The following KLF13 variants were observed in gnomAD, a reference collection of about 807,000 sequenced individuals.
KLF13 encodes the protein KLF transcription factor 13, also known as Krueppel-like factor 13.
KLF13 carries 8 observed loss-of-function variants against 16.7 expected under a neutral mutation model. The ratio of observed to expected loss-of-function variants is 0.48; its 90% confidence interval spans 0.28 to 0.87. The LOEUF (loss-of-function observed/expected upper bound fraction) is 0.87. Among genes scored for constraint, KLF13 ranks in the 40% least tolerant of loss-of-function variants. KLF13 has a pLI of 0.10. For synonymous variants in KLF13, 245 were observed against 208.4 expected, an observed-to-expected ratio of 1.18 and a Z score of -1.51; for missense variants, 447 against 452.2, an observed-to-expected ratio of 0.99 and a Z score of 0.10.
chr15:31,339,791 G>A, intron 1 of KLF13: 1 of 610,884 alleles, frequency 1.6e-6, no homozygotes, highest in Non-Finnish European at 3.0e-6. Context: ...AGCCTGGGCT[G>A]GCTGCGCCCA....
chr15:31,389,870 TCAA>T (rs1257135324), upstream of KLF13, among the ~76,000 whole-genome samples: 1 of 152,086 alleles, frequency 6.6e-6, no homozygotes, highest in East Asian at 1.9e-4. Flanking sequence ...CCTAAAGTCA[TCAA>T]CACCACCACC....
At chr15:31,419,958 G>A (rs2040301772) in intron 1 of KLF13, among the ~76,000 whole-genome samples, 1 of 152,178 alleles carries the variant, frequency 6.6e-6, no homozygotes, top group African/African-American at 2.4e-5. Context: ...CCACTTGTAT[G>A]TACAAGGGAG....
At chr15:31,413,206 A>AAAAC (rs1555382487) in intron 1 of KLF13, among the ~76,000 whole-genome samples, 152 of 145,448 alleles carry the variant, frequency 1.0e-3, no homozygotes, top group Admixed American at 2.4e-3. Context: ...AAAAAAACAA[A>AAAAC]AAACAAAAAA....
At chr15:31,382,401 A>G (rs1288089656), downstream of KLF13, among the ~76,000 whole-genome samples, 6 of 152,190 alleles carry the variant, frequency 3.9e-5, no homozygotes, top group South Asian at 2.1e-4. Context: ...ACAGCTGGCA[A>G]AAGTCACGGA....
chr15:31,415,083 C>T (rs938134757), intron 1 of KLF13, among the ~76,000 whole-genome samples: 1 of 152,130 alleles, frequency 6.6e-6, no homozygotes, highest in African/African-American at 2.4e-5. Flanking sequence ...TTCCTCCCCT[C>T]TCTGTTGCTT....
chr15:31,409,204 G>A (rs1360487913), downstream of KLF13, among the ~76,000 whole-genome samples: 1 of 152,002 alleles, frequency 6.6e-6, no homozygotes, highest in Non-Finnish European at 1.5e-5. Flanking sequence ...AGAATTTCTT[G>A]AACCCAGGAG....
At chr15:31,371,306 C>A (rs1441034554) in intron 1 of KLF13, among the ~76,000 whole-genome samples, 1 of 152,214 alleles carries the variant, frequency 6.6e-6, no homozygotes, top group Non-Finnish European at 1.5e-5. Flanking sequence ...CTCCTCCCTA[C>A]CGGCACAGGC....
intron 1 of KLF13, among the ~76,000 whole-genome samples, chr15:31,343,935 T>G (rs1316041285): frequency 2.0e-5 from 3 of 152,194 alleles, no homozygotes; most frequent in Non-Finnish European, 4.4e-5. Context: ...CTTTGTATAA[T>G]GTGTTCAGTG....
chr15:31,360,325 C>T (rs1226163379), intron 1 of KLF13, among the ~76,000 whole-genome samples: 1 of 152,136 alleles, frequency 6.6e-6, no homozygotes, highest in African/African-American at 2.4e-5. Flanking sequence ...GAAGAGGTGG[C>T]CCCCCAGAGC....
chr15:31,352,285 C>T (rs2039229110), intron 1 of KLF13, among the ~76,000 whole-genome samples: 1 of 152,224 alleles, frequency 6.6e-6, no homozygotes. Context: ...GTGAGATTGT[C>T]TCACAGCAGA....
intron 1 of KLF13, among the ~76,000 whole-genome samples, chr15:31,332,326 T>C (rs1048705768): frequency 1.3e-5 from 2 of 152,384 alleles, no homozygotes; most frequent in East Asian, 3.8e-4. Context: ...TCCTTTTGCA[T>C]GTGTGAGAAC....
Position 31,376,913 on chromosome 15 carries a change from C to T in KLF13, c.*4614C>T, listed in dbSNP as rs1212740805. ...TTTACTACTTTTATTTAAAAATGAA[C>T]TGGATGGGAGAGAAGTAGCGTCCCC... On this transcript the variant is annotated 3_prime_UTR_variant, in exon 2 of 2. Coordinates refer to ENST00000307145, the MANE Select transcript of KLF13 (RefSeq NM_015995.4). 1 of 145,706 alleles carries T rather than the reference C, an allele frequency of 6.9e-6. No homozygotes were observed. The highest frequency in any genetic ancestry group is 2.6e-5 in the African/African-American group (1 of 38,866). 9.0% of individuals were successfully genotyped at this position (145,706 alleles called of 1,614,324 possible). A position where few individuals can be genotyped will look rare whatever the true frequency, so the allele number is the denominator to read the frequency against.
rs914534628 is a variant in KLF13 at position 31,357,822 on chromosome 15, G to A, written c.578-14188G>A. ...CCCCACCAACTGCACCCCCACCCCC[G>A]CCAGAGACTCCCGAGCCTTTGTGGG... is the stretch of plus-strand genomic sequence containing the variant. On this transcript the variant is annotated intron_variant, in intron 1 of 1. Transcript: ENST00000307145. Among the ~76,000 whole-genome samples the A allele has an allele frequency of 4.6e-5, 7 of 151,266 alleles. No individual in the cohort carries two copies. In the South Asian group the frequency reaches 8.4e-4, roughly 18 times the overall value.
chr15:31,351,765 A>G (rs185715587), intron 1 of KLF13, among the ~76,000 whole-genome samples: 15 of 147,084 alleles, frequency 1.0e-4, no homozygotes, highest in African/African-American at 3.7e-4. Context: ...TAATCCCAGC[A>G]CTTTGGGAGG....
chr15:31,354,933 T>C (rs2039276707), intron 1 of KLF13, among the ~76,000 whole-genome samples: 1 of 152,114 alleles, frequency 6.6e-6, no homozygotes, highest in Non-Finnish European at 1.5e-5. Flanking sequence ...TAACAGTAAG[T>C]GTGAAGCAAA....
At chr15:31,337,226 G>A (rs1023155742) in intron 1 of KLF13, among the ~76,000 whole-genome samples, 4 of 152,186 alleles carry the variant, frequency 2.6e-5, no homozygotes, top group Admixed American at 6.5e-5. Context: ...CCATCCCATC[G>A]CTGAGGTCTT....
At chr15:31,413,038 A>G (rs76121992) in intron 1 of KLF13, among the ~76,000 whole-genome samples, 2,732 of 152,272 alleles carry the variant, frequency 0.018, 62 homozygotes, top group African/African-American at 0.053. Context: ...AGAGGCATCA[A>G]TGCCCCAGGG....
chr15:31,406,130 C>G (rs1419122171), downstream of KLF13, among the ~76,000 whole-genome samples: 1 of 152,146 alleles, frequency 6.6e-6, no homozygotes, highest in Non-Finnish European at 1.5e-5. Context: ...AGACAAAAAG[C>G]TGAAGAGTCT....
At chr15:31,420,418 G>A in intron 1 of KLF13, 1 of 1,091,262 alleles carries the variant, frequency 9.2e-7, no homozygotes, top group Non-Finnish European at 1.4e-6. Flanking sequence ...CCACAGTGAA[G>A]TTCCTCACAT....
Sources: allele counts gnomAD v4.1 joint callset (sites outside exome capture counted in the v4.1 genomes callset), GRCh38; gene constraint gnomAD v4.1.1; transcripts MANE v1.5; gene names NCBI Gene and HGNC (gene_info 2026-07-23, HGNC 2026-07-21).